Variants in TRPC3 observed in about 807,000 individuals in gnomAD.
TRPC3 encodes the protein short transient receptor potential channel 3.
TRPC3 carries 54 observed loss-of-function variants against 90.9 expected under a neutral mutation model. The observed-to-expected ratio is 0.59, with a 90% CI of 0.48 to 0.75. The LOEUF is 0.75. TRPC3 is among the 30% of genes least tolerant of loss of function. TRPC3 has a pLI of 0.00. For synonymous variants in TRPC3, 424 were observed against 450.9 expected (o/e 0.94, Z 0.75); for missense variants, 918 against 1,194.5 (o/e 0.77, Z 3.41).
At chr4:121,897,484 A>AAAAAAAAAAAAAAAAAAAAAAAAAG (rs1728557838) in intron 10 of TRPC3, among the ~76,000 whole-genome samples, 1 of 120,672 alleles carries the variant, frequency 8.3e-6, no homozygotes, top group African/African-American at 3.0e-5. Context: ...AAAAAAAAAA[A>AAAAAAAAAAAAAAAAAAAAAAAAAG]AAAAAAAATT....
At chr4:121,894,555 GTTTTTT>G (rs374034360) in intron 10 of TRPC3, among the ~76,000 whole-genome samples, 84 of 63,370 alleles carry the variant, frequency 1.3e-3, no homozygotes, top group African/African-American at 4.9e-3. Flanking sequence ...TACACATTCT[GTTTTTT>G]TTTTTTTTTT....
At chr4:121,921,477 G>C (rs370410474) in intron 3 of TRPC3, among the ~76,000 whole-genome samples, 93 of 138,636 alleles carry the variant, frequency 6.7e-4, no homozygotes, top group African/African-American at 1.6e-3. Context: ...AGCCGAGATC[G>C]CGCCACTGCA....
intron 3 of TRPC3, among the ~76,000 whole-genome samples, chr4:121,920,461 T>C (rs1179368843): frequency 2.6e-5 from 4 of 151,824 alleles, no homozygotes; most frequent in Non-Finnish European, 5.9e-5. Context: ...GAGGTGGAGG[T>C]TGCAGTGAGC....
intron 2 of TRPC3, among the ~76,000 whole-genome samples, chr4:121,926,349 A>G (rs539218999): frequency 4.4e-4 from 67 of 152,004 alleles, no homozygotes; most frequent in Middle Eastern, 3.4e-3. Flanking sequence ...TTACCATGTC[A>G]CTTGTATTTC....
intron 1 of TRPC3, among the ~76,000 whole-genome samples, chr4:121,946,301 C>CG (rs910878311): frequency 2.0e-5 from 3 of 151,750 alleles, no homozygotes; most frequent in South Asian, 4.2e-4. Flanking sequence ...CTTCCTGAAG[C>CG]GGGGGGAAAA....
intron 2 of TRPC3, among the ~76,000 whole-genome samples, chr4:121,929,427 G>C (rs1729822554): frequency 6.6e-6 from 1 of 152,148 alleles, no homozygotes; most frequent in Admixed American, 6.5e-5. Flanking sequence ...CATTGACTCA[G>C]TCAGAACTAG....
In TRPC3 at chr4:121,875,509, T is replaced by C. The variant is rs1362836546; in HGVS notation, c.*4227A>G. On this transcript the variant is annotated 3_prime_UTR_variant, in exon 12 of 12. Transcript: ENST00000379645. ...AAAATGTCAAGTTAAATTACCACTG[T>C]GTGTCCTCTTTTTAAAGATGTTTTA... Among the ~76,000 whole-genome samples the C allele has an allele frequency of 6.6e-6, 1 of 152,220 alleles. No homozygotes were observed. Among genetic ancestry groups the C allele is most frequent in the Non-Finnish European group, 1.5e-5 (1 of 68,040 alleles).
chr4:121,900,569 G>A (rs577337825), intron 9 of TRPC3, among the ~76,000 whole-genome samples: 2 of 152,240 alleles, frequency 1.3e-5, no homozygotes, highest in South Asian at 2.1e-4. Flanking sequence ...TTCTCCAATC[G>A]GCCACTGGAG....
intron 10 of TRPC3, among the ~76,000 whole-genome samples, chr4:121,896,337 G>T (rs533265581): frequency 1.3e-3 from 202 of 152,126 alleles, no homozygotes; most frequent in African/African-American, 4.6e-3. Flanking sequence ...GAGAAAGAAA[G>T]AAGGGTATCC....
Position 121,884,396 on chromosome 4 carries a change from TATC to T in TRPC3, c.2548-1970_2548-1968del, listed in dbSNP as rs1408220067. ...AGTAGAGGCAATGGACGGATAATGT[TATC>T]ATTGTCAGGTCGGTGGTGGTTTCAT... On this transcript the variant is annotated intron_variant, in intron 10 of 11. Coordinates refer to ENST00000379645, the MANE Select transcript of TRPC3 (RefSeq NM_001130698.2). Among the ~76,000 whole-genome samples, 5 of 152,274 alleles carry T rather than the reference TATC, an allele frequency of 3.3e-5. No individual in the cohort carries two copies. The East Asian group carries it at 5.8e-4, about 18-fold the overall frequency.
chr4:121,876,244 T>TA lies in TRPC3; in HGVS notation c.*3491dup, dbSNP rs113176224. On this transcript the variant is annotated 3_prime_UTR_variant, in exon 12 of 12. Coordinates refer to ENST00000379645, the MANE Select transcript of TRPC3 (RefSeq NM_001130698.2). ...AGGAGGATCGCTTGAGGCCAAAAGTTAAAGACTAGCCTGGACAACATAGTG... is the reference window on the plus strand; with the variant it reads ...AGGAGGATCGCTTGAGGCCAAAAGTTAAAAGACTAGCCTGGACAACATAGTG... Among the ~76,000 whole-genome samples the TA allele has an allele frequency of 5.7e-4, 87 of 151,918 alleles. No individual in the cohort carries two copies. Among genetic ancestry groups the TA allele is most frequent in the African/African-American group, 1.9e-3 (79 of 41,478 alleles).
chr4:121,907,614 T>G, intron 6 of TRPC3, 47 bp from the exon 7 acceptor site: 2 of 1,561,880 alleles, frequency 1.3e-6, no homozygotes, highest in Non-Finnish European at 1.7e-6. Flanking sequence ...TTCTATTCAT[T>G]GCCAACTACG....
At chr4:121,948,351 T>C (rs1730563216) in intron 1 of TRPC3, among the ~76,000 whole-genome samples, 1 of 144,686 alleles carries the variant, frequency 6.9e-6, no homozygotes. Flanking sequence ...CAAAATTCCA[T>C]AGATTCTAGC....
chr4:121,903,003 T>C lies in TRPC3; in HGVS notation c.2312A>G (p.Asp771Gly), dbSNP rs763905038. Residue 771 changes from aspartate (D) to glycine (G), a missense_variant, in exon 9 of 12, where the codon GAT becomes GGT. By Grantham distance (94) the Asp-to-Gly change is moderately conservative. This residue lies in a region of TRPC3 where 121 missense variants were observed against 135.7 expected (regional missense o/e 0.89). Transcript: ENST00000379645. Reference sequence around the variant, plus strand: ...AGGTGGAGGTAATGTTTTTCCATCATCAAAATAGGATAACCAAAGTTTTGA... The same window carrying C: ...AGGTGGAGGTAATGTTTTTCCATCACCAAAATAGGATAACCAAAGTTTTGA... ...ARSKLWLSYF[D>G]DGKTLPPPFS... 4.3e-6 allele frequency: 7 copies of C among 1,613,426 alleles called. No individual in the cohort carries two copies. The highest frequency in any genetic ancestry group is 5.9e-6 in the Non-Finnish European group (7 of 1,179,754).
At chr4:121,934,345 T>A (rs1393426201) in intron 1 of TRPC3, among the ~76,000 whole-genome samples, 1 of 152,208 alleles carries the variant, frequency 6.6e-6, no homozygotes, top group Non-Finnish European at 1.5e-5. Context: ...AATCTTTCAA[T>A]AATCTGTACA....
intron 3 of TRPC3, among the ~76,000 whole-genome samples, chr4:121,917,853 G>T (rs1158002831): frequency 1.3e-5 from 2 of 152,156 alleles, no homozygotes; most frequent in Admixed American, 1.3e-4. Context: ...TTACCACTTA[G>T]GAAATCAACA....
chr4:121,911,973 G>A lies in TRPC3; in HGVS notation c.1462C>T (p.Pro488Ser). The change falls in exon 5 of 12, where the codon CCC (proline) becomes TCC (serine). Residue 488 changes from proline to serine, a missense_variant. This residue lies in a region of TRPC3 where 609 missense variants were observed against 725.9 expected (regional missense o/e 0.84). Transcript: ENST00000379645. ...SDRFEGITTLPNITVTDYPKQ... is the reference protein window; with the variant it reads ...SDRFEGITTLSNITVTDYPKQ... ...GGATAGTCAGTAACTGTGATATTGG[G>A]CAGCGTGGTGATGCCTTCGAACCTG... is the stretch of plus-strand genomic sequence containing the variant. 6.2e-7 allele frequency: 1 copy of A among 1,613,896 alleles called. No individual in the cohort carries two copies. Among genetic ancestry groups the A allele is most frequent in the Non-Finnish European group, 8.5e-7 (1 of 1,179,868 alleles).
Position 121,875,431 on chromosome 4 carries a change from G to C in TRPC3, c.*4305C>G, listed in dbSNP as rs959592245. On this transcript the variant is annotated 3_prime_UTR_variant, in exon 12 of 12. Transcript: ENST00000379645. The stretch of plus-strand genomic sequence containing the variant: ...AAAGATTTCAACCTACTAATTTTAA[G>C]TATTCCTCAAATAATTAATTAGCAG... 6.6e-6 allele frequency among the ~76,000 whole-genome samples: 1 copy of C among 152,130 alleles called. No individual in the cohort carries two copies. The highest frequency in any genetic ancestry group is 1.9e-4 in the East Asian group (1 of 5,202).
chr4:121,914,716 A>T, intron 4 of TRPC3, 64 bp downstream of exon 4: 1 of 1,414,460 alleles, frequency 7.1e-7, no homozygotes, highest in South Asian at 1.8e-5. Flanking sequence ...GAAGCTTTTT[A>T]TTTTTTTATC....
Sources: gnomAD v4.1 joint callset for allele counts (sites outside exome capture counted in the v4.1 genomes callset) on GRCh38, gnomAD v4.1.1 for gene constraint, gnomAD v4.1.1 regional missense constraint, MANE v1.5 for transcripts, NCBI Gene and HGNC (gene_info 2026-07-23, HGNC 2026-07-21) for gene names.